Variants in TEX11 observed in about 807,000 individuals in gnomAD.
The protein encoded by TEX11 is testis expressed 11.
In TEX11, 7 loss-of-function variants were observed where a neutral mutation model predicts 84.4. That is an observed-to-expected ratio of 0.08 (90% confidence interval 0.05 to 0.16). The LOEUF (loss-of-function observed/expected upper bound fraction) is 0.16. Ranked by LOEUF, TEX11 falls within the 10% of genes least tolerant of loss-of-function variation. The probability of loss-of-function intolerance (pLI) is 1.00; values close to 1 mark genes in which losing one functional copy is unlikely to be tolerated. For missense variants in TEX11, 551 were observed against 660.5 expected (o/e 0.83, Z 1.82); for synonymous variants, 264 against 222.8 (o/e 1.18, Z -1.64).
intron 17 of TEX11, among the ~76,000 whole-genome samples, chrX:70,646,990 C>G (rs886130659): frequency 9.0e-6 from 1 of 111,200 alleles, no homozygotes; most frequent in African/African-American, 3.3e-5. Context: ...AACTGTTTAT[C>G]GGTGGATAAG....
chrX:70,524,337 G>A (rs1236918753), downstream of TEX11, among the ~76,000 whole-genome samples: 1 of 112,162 alleles, frequency 8.9e-6, no homozygotes, highest in Non-Finnish European at 1.9e-5. Context: ...AAATAACCCA[G>A]AAGTAAGACT....
chrX:70,641,310 T>A (rs943413090), intron 17 of TEX11, among the ~76,000 whole-genome samples: 52 of 111,055 alleles, frequency 4.7e-4, no homozygotes, highest in African/African-American at 1.5e-3. Flanking sequence ...TTCCCACACA[T>A]TAATAATGGG....
At chrX:70,572,239 C>T (rs1412969269) in intron 25 of TEX11, among the ~76,000 whole-genome samples, 1 of 110,804 alleles carries the variant, frequency 9.0e-6, no homozygotes, top group African/African-American at 3.3e-5. Flanking sequence ...AGCCAAAAAA[C>T]ACATGAAAAA....
chrX:70,726,907 C>T (rs747716239), intron 11 of TEX11, among the ~76,000 whole-genome samples: 34 of 109,213 alleles, frequency 3.1e-4, no homozygotes, highest in African/African-American at 1.1e-3. Flanking sequence ...AAACACGGCT[C>T]ACTGCAGCCT....
At position 70,599,140 on chromosome X, in the gene TEX11, G is replaced by T. The variant is rs191100281; in HGVS notation, c.2067+6261C>A. On this transcript the variant is annotated intron_variant, in intron 24 of 29. Coordinates refer to ENST00000374333, the MANE Select transcript of TEX11 (RefSeq NM_031276.3). ...AAAAGGCCAGACAGTAAATATTTTA[G>T]GCTTTCCTAGCCATATACAAATAAA... 5.9e-3 allele frequency among the ~76,000 whole-genome samples: 649 copies of T among 110,422 alleles called. 4 individuals are homozygous for T. The highest frequency in any genetic ancestry group is 0.02 in the African/African-American group (622 of 30,415).
intron 28 of TEX11, among the ~76,000 whole-genome samples, chrX:70,544,912 A>AT (rs1402667474): frequency 1.8e-3 from 195 of 106,174 alleles, no homozygotes; most frequent in African/African-American, 6.2e-3. Flanking sequence ...TAAAAAAAAA[A>AT]TTTTTTTTTT....
intron 9 of TEX11, among the ~76,000 whole-genome samples, chrX:70,754,895 G>C (rs1165155714): frequency 8.9e-6 from 1 of 112,209 alleles, no homozygotes; most frequent in Non-Finnish European, 1.9e-5. Flanking sequence ...ACCTCTATAT[G>C]TCTACAAGAA....
intron 9 of TEX11, among the ~76,000 whole-genome samples, chrX:70,771,833 C>T (rs888765371): frequency 2.7e-5 from 3 of 111,844 alleles, no homozygotes; most frequent in African/African-American, 6.5e-5. Context: ...CCTGCCCCAG[C>T]GCCAAGTTAG....
intron 9 of TEX11, among the ~76,000 whole-genome samples, chrX:70,760,827 A>G (rs1447030396): frequency 1.8e-5 from 2 of 111,866 alleles, no homozygotes; most frequent in Non-Finnish European, 3.8e-5. Flanking sequence ...CAGGCAGCCT[A>G]CAGAATGGGA....
intron 9 of TEX11, among the ~76,000 whole-genome samples, chrX:70,780,619 C>T (rs2091032755): frequency 8.9e-6 from 1 of 112,668 alleles, no homozygotes; most frequent in Non-Finnish European, 1.9e-5. Context: ...CTGTGCCTTT[C>T]CCACAGTCTT....
chrX:70,880,342 A>G (rs754212086), intron 2 of TEX11, among the ~76,000 whole-genome samples: 2 of 112,079 alleles, frequency 1.8e-5, no homozygotes, highest in South Asian at 3.7e-4. Flanking sequence ...ATCATTACTC[A>G]TTCTCAGAAA....
chrX:70,761,370 T>A (rs897770055), intron 9 of TEX11, among the ~76,000 whole-genome samples: 1 of 111,950 alleles, frequency 8.9e-6, no homozygotes, highest in Non-Finnish European at 1.9e-5. Flanking sequence ...CAAATGTCCA[T>A]CAATGATAGA....
chrX:70,853,325 T>A lies in TEX11; in HGVS notation c.328A>T (p.Asn110Tyr), dbSNP rs1409837902. 1.7e-6 allele frequency: 2 copies of A among 1,182,703 alleles called. No homozygotes were observed. The highest frequency in any genetic ancestry group is 3.5e-5 in the African/African-American group (2 of 56,478). The part of the protein sequence containing the change: ...EQSIQRLIMM[N>Y]MRIGKEWLDA... ...AACCATTCTTTTCCTATTCTCATAT[T>A]CATCTAGAAGAGAGAAATTAGAAAA... The change falls in exon 6 of 30, where the codon AAT (asparagine) becomes TAT (tyrosine). Residue 110 changes from asparagine to tyrosine, a missense_variant. By Grantham distance (143) the Asn-to-Tyr change is moderately radical. Transcript: ENST00000374333.
At chrX:70,580,769 A>G (rs191242081) in intron 25 of TEX11, among the ~76,000 whole-genome samples, 1 of 112,076 alleles carries the variant, frequency 8.9e-6, no homozygotes, top group Admixed American at 9.5e-5. Context: ...ATTTAAGATT[A>G]TGAAAGATGT....
At chrX:70,752,524 C>CAAAAAAA (rs753939405) in intron 9 of TEX11, among the ~76,000 whole-genome samples, 1 of 28,183 alleles carries the variant, frequency 3.5e-5, no homozygotes, top group Non-Finnish European at 6.9e-5. Flanking sequence ...TACTCTGTCT[C>CAAAAAAA]AAAAAAAAAA....
intron 2 of TEX11, among the ~76,000 whole-genome samples, chrX:70,884,633 A>G (rs1309517408): frequency 9.0e-6 from 1 of 110,891 alleles, no homozygotes; most frequent in Non-Finnish European, 1.9e-5. Context: ...TTCCTATATA[A>G]TGTTCCAGGA....
At position 70,751,083 on chromosome X, in the gene TEX11, A is replaced by G. The variant is rs772600600; in HGVS notation, c.693-6864T>C. On this transcript the variant is annotated intron_variant, in intron 9 of 29. Transcript: ENST00000374333. ...TGGAAGACAGTGTGGCGATACCTCAAGGATCTAGAACTAGAAATACCATTT... is the reference window on the plus strand; with the variant it reads ...TGGAAGACAGTGTGGCGATACCTCAGGGATCTAGAACTAGAAATACCATTT... Among the ~76,000 whole-genome samples, 277 of 103,685 alleles carry G rather than the reference A, an allele frequency of 2.7e-3. 3 individuals carry two copies. Among genetic ancestry groups the G allele is most frequent in the African/African-American group, 8.5e-3 (246 of 29,028 alleles). The allele number at this position is 103,685 out of a possible 115,157, so 90.0% of individuals were successfully genotyped here. A position where few individuals can be genotyped will look rare whatever the true frequency, so the allele number is the denominator to read the frequency against.
At chrX:70,628,557 C>A (rs1202088113) in intron 18 of TEX11, among the ~76,000 whole-genome samples, 1 of 111,770 alleles carries the variant, frequency 8.9e-6, no homozygotes, top group Admixed American at 9.5e-5. Flanking sequence ...ACATAGAACT[C>A]TATATTCTGT....
intron 16 of TEX11, among the ~76,000 whole-genome samples, chrX:70,662,613 G>C (rs1480598656): frequency 7.9e-4 from 88 of 111,566 alleles, no homozygotes; most frequent in Non-Finnish European, 1.4e-3. Context: ...TGCAGCCAGA[G>C]AGAAAGGTCG....
Sources: gnomAD v4.1 joint callset for allele counts (sites outside exome capture counted in the v4.1 genomes callset) on GRCh38, gnomAD v4.1.1 for gene constraint, MANE v1.5 for transcripts, NCBI Gene and HGNC (gene_info 2026-07-23, HGNC 2026-07-21) for gene names.